NUP214: variants seen among roughly 807,000 people sequenced by gnomAD.
The protein encoded by NUP214 is nuclear pore complex protein Nup214.
In NUP214, 79 loss-of-function variants were observed where a neutral mutation model predicts 196.2. That is an observed-to-expected ratio of 0.40 (90% CI 0.34 to 0.49). The LOEUF (loss-of-function observed/expected upper bound fraction) is 0.49, where lower values mean the gene tolerates loss of function less well. NUP214 is among the 20% of genes least tolerant of loss of function. NUP214 has a pLI of 0.58. For synonymous variants in NUP214, 1,020 were observed against 990.5 expected, an observed-to-expected ratio of 1.03 and a Z score of -0.56; for missense variants, 2,468 against 2,539.0, an observed-to-expected ratio of 0.97 and a Z score of 0.60.
chr9:131,130,128 T>C (rs1466933192), intron 4 of NUP214, among the ~76,000 whole-genome samples: 1 of 140,304 alleles, frequency 7.1e-6, no homozygotes, highest in Non-Finnish European at 1.5e-5. Context: ...GAGAATGATT[T>C]CTGGTTTTGT....
intron 32 of NUP214, among the ~76,000 whole-genome samples, chr9:131,224,491 A>C (rs1436204609): frequency 2.0e-5 from 3 of 152,296 alleles, no homozygotes; most frequent in East Asian, 3.9e-4. Flanking sequence ...CCTCGTATGC[A>C]GGGGATGCTC....
rs745407286 is a variant in NUP214, at chr9:131,125,591, C to CA, written c.-112dup. Reference sequence around the variant, plus strand: ...CCAAAGCGCGCCGGAAATGCGAGGTCAACTGCGCGCCGCTGGCGCTGAGGG... The same window carrying CA: ...CCAAAGCGCGCCGGAAATGCGAGGTCAAACTGCGCGCCGCTGGCGCTGAGGG... On this transcript the variant is annotated 5_prime_UTR_variant, in exon 1 of 36. Transcript: ENST00000359428. This position sits in a 1 kb window ranked among gnomAD's most constrained non-coding sequence, Gnocchi z 4.1. 6.5e-6 allele frequency: 10 copies of CA among 1,547,830 alleles called. No homozygotes were observed. Among genetic ancestry groups the CA allele is most frequent in the Non-Finnish European group, 7.9e-6 (9 of 1,145,000 alleles).
rs1403421154 is a variant in NUP214 at position 131,195,089 on chromosome 9, G to A, written c.3660-144G>A. On this transcript the variant is annotated intron_variant, in intron 27 of 35. Transcript: ENST00000359428. ...AGTGGCCTTACTGCTTCTGAGATAG[G>A]TGCTTTGACTCTGTTGTCATTTATC... 5 of 613,472 alleles carry A rather than the reference G, an allele frequency of 8.2e-6. No individual in the cohort carries two copies. The South Asian group carries it at 8.4e-5, about 10-fold the overall frequency. 38.0% of individuals were successfully genotyped at this position (613,472 alleles called of 1,614,324 possible).
intron 10 of NUP214, among the ~76,000 whole-genome samples, chr9:131,139,974 T>TCC (rs1299893179): frequency 5.9e-5 from 9 of 152,258 alleles, no homozygotes; most frequent in Admixed American, 1.3e-4. Flanking sequence ...TAGAGAGGTG[T>TCC]CCCCGTCAGG....
In NUP214 at chr9:131,195,147, A is replaced by G. The variant is rs1342076579; in HGVS notation, c.3660-86A>G. 5.3e-6 allele frequency: 5 copies of G among 946,764 alleles called. No individual in the cohort carries two copies. The Admixed American group carries it at 6.6e-5, about 13-fold the overall frequency. The allele number at this position is 946,764 out of a possible 1,614,324, so 58.6% of individuals were successfully genotyped here. On this transcript the variant is annotated intron_variant, in intron 27 of 35. Coordinates refer to ENST00000359428, the MANE Select transcript of NUP214 (RefSeq NM_005085.4). ...TTGTAAATTCCTGAGGGCGGTTTGTATGAATGAATGATAAAATGGAATATT... is the reference window on the plus strand; with the variant it reads ...TTGTAAATTCCTGAGGGCGGTTTGTGTGAATGAATGATAAAATGGAATATT...
In NUP214 at chr9:131,125,889, C is replaced by T; in HGVS notation, c.45+140C>T. On this transcript the variant is annotated intron_variant, in intron 1 of 35. Coordinates refer to ENST00000359428, the MANE Select transcript of NUP214 (RefSeq NM_005085.4). The surrounding 1 kb of genome is among the most constrained non-coding windows in gnomAD (Gnocchi z 4.1). ...GCGTTCACAGCTCTCACCAGCGCGT[C>T]TGCCGCGCCGCTGGCGTGATAGCCC... is the stretch of plus-strand genomic sequence containing the variant. 1 of 952,960 alleles carries T rather than the reference C, an allele frequency of 1.0e-6. No individual in the cohort carries two copies. The allele number at this position is 952,960 out of a possible 1,614,324, so 59.0% of individuals were successfully genotyped here. A position where few individuals can be genotyped will look rare whatever the true frequency, so the allele number is the denominator to read the frequency against.
At chr9:131,144,077 T>C (rs749362501) in intron 11 of NUP214, among the ~76,000 whole-genome samples, 1 of 152,234 alleles carries the variant, frequency 6.6e-6, no homozygotes, top group African/African-American at 2.4e-5. Context: ...CTAATGTCTT[T>C]CCTTAGTTTT....
rs71389402 is a variant in NUP214 at position 131,193,629 on chromosome 9, C to CT, written c.3659+1370dup. Among the ~76,000 whole-genome samples, 187 of 28,212 alleles carry CT rather than the reference C, an allele frequency of 6.6e-3. 11 individuals carry two copies. The highest frequency in any genetic ancestry group is 0.05 in the Middle Eastern group (1 of 20). The allele number at this position is 28,212 out of a possible 152,430, so 18.5% of individuals were successfully genotyped here. A position where few individuals can be genotyped will look rare whatever the true frequency, so the allele number is the denominator to read the frequency against. On this transcript the variant is annotated intron_variant, in intron 27 of 35. Coordinates refer to ENST00000359428, the MANE Select transcript of NUP214 (RefSeq NM_005085.4). ...GTGAAATGATATTCTTCTTCCTTTTCTTTTTTTTTTTTTTTTTTTTTTTTT... is the reference window on the plus strand; with the variant it reads ...GTGAAATGATATTCTTCTTCCTTTTCTTTTTTTTTTTTTTTTTTTTTTTTTT...
chr9:131,133,202 T>A lies in NUP214; in HGVS notation c.824T>A (p.Leu275Gln), dbSNP rs1243174503. 1.3e-6 allele frequency: 2 copies of A among 1,555,068 alleles called. No individual in the cohort carries two copies. The highest frequency in any genetic ancestry group is 1.7e-6 in the Non-Finnish European group (2 of 1,153,606). The change falls in exon 7 of 36, where the codon CTA becomes CAA. Residue 275 changes from leucine (L) to glutamine (Q), a missense_variant. Coordinates refer to ENST00000359428, the MANE Select transcript of NUP214 (RefSeq NM_005085.4). Reference sequence around the variant, plus strand: ...ACGTCTCCAGATGTGGTGATGGCTCTACTACCGGTATGCCTGTGGAAGAAA... The same window carrying A: ...ACGTCTCCAGATGTGGTGATGGCTCAACTACCGGTATGCCTGTGGAAGAAA... ...LETSPDVVMA[L>Q]LPKKEEKHPE...
At chr9:131,194,744 C>G (rs991411876) in intron 27 of NUP214, among the ~76,000 whole-genome samples, 2 of 152,160 alleles carry the variant, frequency 1.3e-5, no homozygotes, top group Non-Finnish European at 2.9e-5. Context: ...TTCATTGTAT[C>G]CATTGTTTTC....
intron 9 of NUP214, 26 bp from the exon 10 acceptor site, chr9:131,139,255 C>CTTTT (rs200377608): frequency 7.5e-4 from 814 of 1,092,058 alleles, no homozygotes; most frequent in South Asian, 1.9e-3. Flanking sequence ...TCTTCTTCTT[C>CTTTT]TTTTTTTTTT....
intron 17 of NUP214, among the ~76,000 whole-genome samples, chr9:131,154,622 C>T (rs1391825585): frequency 6.6e-6 from 1 of 152,232 alleles, no homozygotes; most frequent in African/African-American, 2.4e-5. Flanking sequence ...GCTAGGATTA[C>T]AGGCGTGAGC....
At chr9:131,156,607 G>A (rs966381483) in intron 17 of NUP214, among the ~76,000 whole-genome samples, 1 of 146,942 alleles carries the variant, frequency 6.8e-6, no homozygotes, top group Non-Finnish European at 1.5e-5. Flanking sequence ...AAAAGGGGTT[G>A]TTGTTTATTT....
chr9:131,146,386 C>G lies in NUP214; in HGVS notation c.1945+82C>G. 1 of 1,359,208 alleles carries G rather than the reference C, an allele frequency of 7.4e-7. No homozygotes were observed. The highest frequency in any genetic ancestry group is 1.0e-6 in the Non-Finnish European group (1 of 972,470). 84.2% of individuals were successfully genotyped at this position (1,359,208 alleles called of 1,614,324 possible). On this transcript the variant is annotated intron_variant, in intron 13 of 35. Transcript: ENST00000359428. This position sits in a 1 kb window ranked among gnomAD's most constrained non-coding sequence, Gnocchi z 4.6. ...TTTAAGTGTTAAGAGTCGTAGCTAA[C>G]ATAGTTGGACAAGGTTATTTTTTCT...
In NUP214 at chr9:131,197,764, G is replaced by C; in HGVS notation, c.4270G>C (p.Val1424Leu). 6.2e-7 allele frequency: 1 copy of C among 1,614,154 alleles called. No individual in the cohort carries two copies. Among genetic ancestry groups the C allele is most frequent in the Non-Finnish European group, 8.5e-7 (1 of 1,180,036 alleles). ...LPVTSAGSSG[V>L]ISFGGTSLSA... ...AGTCACCAGTGCAGGATCCTCTGGG[G>C]TCATCAGTTTTGGTGGGACATCTCT... Residue 1424 changes from valine to leucine, a missense_variant, in exon 29 of 36, where the codon GTC (valine) becomes CTC (leucine). Val to Leu is a conservative substitution (Grantham distance 32). Coordinates refer to ENST00000359428, the MANE Select transcript of NUP214 (RefSeq NM_005085.4).
At chr9:131,211,003 A>G (rs796240010) in intron 30 of NUP214, among the ~76,000 whole-genome samples, 19 of 152,350 alleles carry the variant, frequency 1.2e-4, no homozygotes, top group African/African-American at 4.3e-4. Flanking sequence ...CATGGATCAG[A>G]AGACTCAACA....
chr9:131,213,198 G>A (rs1483353181), intron 30 of NUP214, among the ~76,000 whole-genome samples: 6 of 144,764 alleles, frequency 4.1e-5, no homozygotes, highest in African/African-American at 7.7e-5. Flanking sequence ...TTTTTTTGAC[G>A]GTGTTTCGCT....
At position 131,197,309 on chromosome 9, in the gene NUP214, C is replaced by T; in HGVS notation, c.3815C>T (p.Ser1272Leu). 1 of 1,614,180 alleles carries T rather than the reference C, an allele frequency of 6.2e-7. No homozygotes were observed. Among genetic ancestry groups the T allele is most frequent in the Non-Finnish European group, 8.5e-7 (1 of 1,180,024 alleles). The part of the protein sequence containing the change: ...KPSYEAIPES[S>L]PPSGITSASN... ...TCTTATGAGGCCATTCCTGAAAGCT[C>T]ACCTCCCTCAGGAATCACATCCGCA... is the stretch of plus-strand genomic sequence containing the variant. Residue 1272 changes from serine (S) to leucine (L), a missense_variant, in exon 29 of 36, where the codon TCA becomes TTA. This residue lies in a region of NUP214 where 1,801 missense variants were observed against 1,779.4 expected (regional missense o/e 1.01). Coordinates refer to ENST00000359428, the MANE Select transcript of NUP214 (RefSeq NM_005085.4).
chr9:131,187,400 T>TTC, intron 25 of NUP214, 36 bp downstream of exon 25: 1 of 1,523,976 alleles, frequency 6.6e-7, no homozygotes, highest in Non-Finnish European at 9.0e-7. Flanking sequence ...TTTTTTTTTT[T>TTC]TTTTGAGACA....
Sources: gnomAD v4.1 joint callset for allele counts (sites outside exome capture counted in the v4.1 genomes callset) on GRCh38, gnomAD v4.1.1 for gene constraint, gnomAD v4.1.1 regional missense constraint, Gnocchi (gnomAD v3.1) non-coding constraint, MANE v1.5 for transcripts, NCBI Gene and HGNC (gene_info 2026-07-23, HGNC 2026-07-21) for gene names.